PDIA5: variants seen among roughly 807,000 people sequenced by gnomAD.
PDIA5 encodes the protein protein disulfide isomerase family A member 5, also known as protein disulfide-isomerase A5.
Under a neutral mutation model 77.6 loss-of-function variants are expected in PDIA5, and 58 were observed. The observed-to-expected ratio is 0.75, with a 90% confidence interval of 0.61 to 0.93. The LOEUF (loss-of-function observed/expected upper bound fraction) is 0.93, where lower values mean the gene tolerates loss of function less well. PDIA5 is among the 40% of genes least tolerant of loss of function. PDIA5 has a pLI of 0.00. For synonymous variants in PDIA5, 250 were observed against 252.1 expected (o/e 0.99, Z 0.08); for missense variants, 630 against 647.7 (o/e 0.97, Z 0.30).
chr3:123,069,463 G>A (rs1933669085), intron 1 of PDIA5, among the ~76,000 whole-genome samples: 1 of 152,054 alleles, frequency 6.6e-6, no homozygotes, highest in Non-Finnish European at 1.5e-5. Flanking sequence ...TTTCAGTTTG[G>A]CCTGCTATAA....
intron 7 of PDIA5, among the ~76,000 whole-genome samples, chr3:123,114,086 C>G (rs1006916081): frequency 6.6e-6 from 1 of 152,210 alleles, no homozygotes; most frequent in African/African-American, 2.4e-5. Context: ...CACCACTGGC[C>G]CTGCCCACAG....
rs1473615595 is a variant in PDIA5 at position 123,067,061 on chromosome 3, T to TGGGAAGTGGCC, written c.-102_-92dup. 1.7e-4 allele frequency: 161 copies of TGGGAAGTGGCC among 965,352 alleles called. No individual in the cohort carries two copies. Among genetic ancestry groups the TGGGAAGTGGCC allele is most frequent in the Non-Finnish European group, 2.1e-4 (155 of 743,978 alleles). 59.8% of individuals were successfully genotyped at this position (965,352 alleles called of 1,614,324 possible). On this transcript the variant is annotated 5_prime_UTR_variant, in exon 1 of 17. Transcript: ENST00000316218. Reference sequence around the variant, plus strand: ...CGGGAACTCGGAGGCGGGGAGCGGCTGGGAAGTGGCCGTGGTGGTTGGCCG... The same window carrying TGGGAAGTGGCC: ...CGGGAACTCGGAGGCGGGGAGCGGCTGGGAAGTGGCCGGGAAGTGGCCGTGGTGGTTGGCCG...
chr3:123,085,315 T>A (rs1934109511), intron 1 of PDIA5, among the ~76,000 whole-genome samples: 2 of 152,132 alleles, frequency 1.3e-5, no homozygotes, highest in African/African-American at 2.4e-5. Flanking sequence ...AGGAGATGGA[T>A]CCTTCATTAG....
intron 6 of PDIA5, among the ~76,000 whole-genome samples, chr3:123,107,531 AAT>A (rs1485778307): frequency 6.6e-6 from 1 of 152,156 alleles, no homozygotes; most frequent in Non-Finnish European, 1.5e-5. Flanking sequence ...TCTCTAAAAA[AAT>A]AAAGAATGCA....
intron 13 of PDIA5, among the ~76,000 whole-genome samples, chr3:123,148,705 A>G (rs910197931): frequency 1.4e-4 from 21 of 152,218 alleles, no homozygotes; most frequent in Non-Finnish European, 2.9e-4. Flanking sequence ...TTCATCCTCA[A>G]GTCCTGCTGA....
At chr3:123,142,932 T>C (rs1935675790) in intron 11 of PDIA5, among the ~76,000 whole-genome samples, 1 of 152,236 alleles carries the variant, frequency 6.6e-6, no homozygotes, top group Non-Finnish European at 1.5e-5. Flanking sequence ...CAGGAGGTCT[T>C]CTCAAGCCCC....
chr3:123,102,539 G>T (rs531006610), intron 4 of PDIA5, 45 bp downstream of exon 4: 3 of 1,332,118 alleles, frequency 2.3e-6, no homozygotes, highest in Non-Finnish European at 3.2e-6. Flanking sequence ...AGTGCCAAAT[G>T]CTTTCATTGG....
intron 8 of PDIA5, among the ~76,000 whole-genome samples, chr3:123,117,399 T>TATATATATATATA (rs60353329): frequency 2.7e-4 from 36 of 135,342 alleles, no homozygotes; most frequent in African/African-American, 3.9e-4. Flanking sequence ...TATATATATA[T>TATATATATATATA]TCTGTTTTAG....
chr3:123,083,767 A>G lies in PDIA5; in HGVS notation c.43-5401A>G, dbSNP rs182482308. Among the ~76,000 whole-genome samples the G allele has an allele frequency of 9.8e-3, 1,498 of 152,306 alleles. 12 individuals are homozygous for G. The highest frequency in any genetic ancestry group is 0.017 in the Non-Finnish European group (1,186 of 68,018). On this transcript the variant is annotated intron_variant, in intron 1 of 16. Coordinates refer to ENST00000316218, the MANE Select transcript of PDIA5 (RefSeq NM_006810.4). ...AAGGTTTGTGGGTTGTGACTTATGA[A>G]GTCTGCAGTAAGGCTCTTGGCAAGG...
intron 1 of PDIA5, among the ~76,000 whole-genome samples, chr3:123,077,993 A>G (rs985994537): frequency 3.3e-5 from 5 of 151,936 alleles, no homozygotes; most frequent in Admixed American, 2.6e-4. Flanking sequence ...TATTTTTAGT[A>G]GATACGGGGT....
chr3:123,161,742 C>T, intron 16 of PDIA5, 138 bp from the exon 17 acceptor site: 1 of 712,982 alleles, frequency 1.4e-6, no homozygotes. Context: ...AGACCCTCTC[C>T]ACCTTGCAGA....
intron 15 of PDIA5, 109 bp from the exon 16 acceptor site, chr3:123,161,212 A>G (rs1226680753): frequency 5.8e-6 from 7 of 1,216,202 alleles, no homozygotes; most frequent in Non-Finnish European, 8.1e-6. Flanking sequence ...CACTGAGGAG[A>G]AAAATCAGAG....
Position 123,093,713 on chromosome 3 carries a change from C to T in PDIA5, c.257+1271C>T, listed in dbSNP as rs914648151. On this transcript the variant is annotated intron_variant, in intron 3 of 16. Transcript: ENST00000316218. ...AGGAGAAGGCAGACACTTAGCCCAG[C>T]GATTACAATGTCAGGTGAACAGTGC... 4.6e-5 allele frequency among the ~76,000 whole-genome samples: 7 copies of T among 152,196 alleles called. No homozygotes were observed. The East Asian group carries it at 9.6e-4, about 21-fold the overall frequency.
intron 6 of PDIA5, among the ~76,000 whole-genome samples, chr3:123,108,076 C>T (rs1014292858): frequency 1.3e-5 from 2 of 152,154 alleles, no homozygotes; most frequent in African/African-American, 4.8e-5. Flanking sequence ...GGATTACGGG[C>T]ATGGGCCTCT....
At chr3:123,157,255 G>T (rs982072031) in intron 15 of PDIA5, among the ~76,000 whole-genome samples, 4 of 152,200 alleles carry the variant, frequency 2.6e-5, no homozygotes, top group African/African-American at 9.7e-5. Context: ...CAGCCATCTG[G>T]CCTGGGGGGC....
intron 5 of PDIA5, among the ~76,000 whole-genome samples, chr3:123,106,182 A>C (rs980412514): frequency 1.3e-5 from 2 of 152,182 alleles, no homozygotes; most frequent in African/African-American, 4.8e-5. Flanking sequence ...CCTGGACCTC[A>C]CTCATTCATA....
intron 5 of PDIA5, among the ~76,000 whole-genome samples, chr3:123,104,170 C>T (rs1346362653): frequency 6.6e-6 from 1 of 152,162 alleles, no homozygotes; most frequent in African/African-American, 2.4e-5. Context: ...CTTGACCTTC[C>T]CGTGATTTAG....
chr3:123,103,615 C>T (rs1322307141), intron 5 of PDIA5, among the ~76,000 whole-genome samples: 2 of 152,178 alleles, frequency 1.3e-5, no homozygotes, highest in African/African-American at 4.8e-5. Context: ...TGTCCCTCTC[C>T]CTCTGCCCTT....
chr3:123,084,024 C>T (rs62263187), intron 1 of PDIA5, among the ~76,000 whole-genome samples: 15,310 of 152,032 alleles, frequency 0.1, 1,097 homozygotes, highest in Admixed American at 0.25. Context: ...CATCCTTCCC[C>T]TTCTCAGAAG....
Sources: allele counts gnomAD v4.1 joint callset (sites outside exome capture counted in the v4.1 genomes callset), GRCh38; gene constraint gnomAD v4.1.1; transcripts MANE v1.5; gene names NCBI Gene and HGNC (gene_info 2026-07-23, HGNC 2026-07-21).